The following BRINP3 variants were observed in gnomAD, a reference collection of about 807,000 sequenced individuals.
The protein encoded by BRINP3 is BMP/retinoic acid inducible neural specific 3.
BRINP3 carries 19 observed loss-of-function variants against 71.0 expected under a neutral mutation model. The observed-to-expected ratio is 0.27, with a 90% CI of 0.19 to 0.39. The LOEUF (loss-of-function observed/expected upper bound fraction) is 0.39. Ranked by LOEUF, BRINP3 falls within the 10% of genes least tolerant of loss-of-function variation. The pLI is 1.00. For synonymous variants in BRINP3, 380 were observed against 337.7 expected (o/e 1.13, Z -1.37); for missense variants, 959 against 940.8 (o/e 1.02, Z -0.25).
intron 7 of BRINP3, among the ~76,000 whole-genome samples, chr1:190,108,001 T>C (rs1652332245): frequency 6.6e-6 from 1 of 152,046 alleles, no homozygotes; most frequent in Non-Finnish European, 1.5e-5. Flanking sequence ...TTGACTAAAA[T>C]GTAATTTCAA....
At chr1:190,321,756 T>C (rs1666262076) in intron 2 of BRINP3, among the ~76,000 whole-genome samples, 1 of 152,108 alleles carries the variant, frequency 6.6e-6, no homozygotes, top group Non-Finnish European at 1.5e-5. Context: ...ATTATTATAC[T>C]GCATATTTTC....
At chr1:190,320,228 A>G (rs1013225947) in intron 2 of BRINP3, among the ~76,000 whole-genome samples, 2 of 152,134 alleles carry the variant, frequency 1.3e-5, no homozygotes, top group Non-Finnish European at 2.9e-5. Context: ...AATATTAAAC[A>G]CTGAAATAAA....
At chr1:190,126,469 C>T (rs759387865) in intron 7 of BRINP3, among the ~76,000 whole-genome samples, 5 of 151,836 alleles carry the variant, frequency 3.3e-5, no homozygotes, top group Non-Finnish European at 5.9e-5. Context: ...GTTAAAATAC[C>T]TGTATCATAG....
chr1:190,225,413 T>C lies in BRINP3; in HGVS notation c.961+669A>G, dbSNP rs1013014615. Among the ~76,000 whole-genome samples the C allele has an allele frequency of 3.9e-5, 6 of 152,006 alleles. No individual in the cohort carries two copies. The East Asian group carries it at 5.8e-4, about 15-fold the overall frequency. ...TCTAACCCACATGTTCCCACTCATA[T>C]GTGGAAGCTAAAAAAAGTAGAACTC... On this transcript the variant is annotated intron_variant, in intron 6 of 7. Transcript: ENST00000367462.
intron 2 of BRINP3, among the ~76,000 whole-genome samples, chr1:190,308,986 T>C (rs1327353510): frequency 6.6e-6 from 1 of 151,850 alleles, no homozygotes; most frequent in Non-Finnish European, 1.5e-5. Flanking sequence ...AAATAAATAT[T>C]TGTATACCCA....
intron 2 of BRINP3, among the ~76,000 whole-genome samples, chr1:190,400,195 C>G (rs963118578): frequency 6.6e-6 from 1 of 152,144 alleles, no homozygotes; most frequent in East Asian, 1.9e-4. Flanking sequence ...TTATAACAAA[C>G]CTCAAACTGG....
At chr1:190,128,882 G>T (rs1654301830) in intron 7 of BRINP3, among the ~76,000 whole-genome samples, 3 of 151,534 alleles carry the variant, frequency 2.0e-5, no homozygotes, top group African/African-American at 7.3e-5. Context: ...ATCAAAGCTT[G>T]ACTTACACTA....
chr1:190,394,931 A>G (rs1346908395), intron 2 of BRINP3, among the ~76,000 whole-genome samples: 1 of 151,668 alleles, frequency 6.6e-6, no homozygotes, highest in Non-Finnish European at 1.5e-5. Flanking sequence ...TTTCGGAGGT[A>G]TTTTTATAGT....
intron 6 of BRINP3, among the ~76,000 whole-genome samples, chr1:190,213,210 C>G (rs1337687179): frequency 6.6e-6 from 1 of 151,974 alleles, no homozygotes; most frequent in Non-Finnish European, 1.5e-5. Flanking sequence ...ACTGTTTATG[C>G]CAAAGTATGG....
intron 2 of BRINP3, among the ~76,000 whole-genome samples, chr1:190,442,576 A>G (rs1247252356): frequency 2.0e-5 from 3 of 152,216 alleles, no homozygotes; most frequent in Admixed American, 2.0e-4. Flanking sequence ...AAAAGTAATC[A>G]CACACACGTA....
intron 2 of BRINP3, among the ~76,000 whole-genome samples, chr1:190,398,888 C>G (rs1038889868): frequency 6.6e-6 from 1 of 151,960 alleles, no homozygotes; most frequent in Non-Finnish European, 1.5e-5. Context: ...ACCTTTAAAA[C>G]AATTTTAAGA....
intron 6 of BRINP3, among the ~76,000 whole-genome samples, chr1:190,175,193 T>C (rs1010300544): frequency 6.6e-6 from 1 of 152,190 alleles, no homozygotes; most frequent in African/African-American, 2.4e-5. Context: ...CTAACACCAC[T>C]GGCAATATTA....
intron 6 of BRINP3, among the ~76,000 whole-genome samples, chr1:190,184,610 C>T (rs1192843265): frequency 6.6e-6 from 1 of 152,072 alleles, no homozygotes; most frequent in African/African-American, 2.4e-5. Context: ...GGCCAATACC[C>T]TAAGCAAATT....
chr1:190,118,521 C>T (rs965956643), intron 7 of BRINP3, among the ~76,000 whole-genome samples: 2 of 152,122 alleles, frequency 1.3e-5, no homozygotes, highest in African/African-American at 2.4e-5. Context: ...CCTTTATTAA[C>T]TCACGTGGAA....
At chr1:190,307,146 T>C (rs1432688276) in intron 2 of BRINP3, among the ~76,000 whole-genome samples, 1 of 151,566 alleles carries the variant, frequency 6.6e-6, no homozygotes, top group African/African-American at 2.4e-5. Flanking sequence ...TTGCTAAAGT[T>C]AAAGAGTAAT....
intron 1 of BRINP3, among the ~76,000 whole-genome samples, chr1:190,466,719 C>G (rs144276480): frequency 6.6e-6 from 1 of 151,406 alleles, no homozygotes; most frequent in Non-Finnish European, 1.5e-5. Flanking sequence ...GTAGTTTAGG[C>G]AACATGAGGC....
At chr1:190,147,305 T>A (rs1026964619) in intron 7 of BRINP3, among the ~76,000 whole-genome samples, 3 of 152,118 alleles carry the variant, frequency 2.0e-5, no homozygotes, top group Admixed American at 6.6e-5. Context: ...GGATAAACAA[T>A]AAGTAATAGA....
At chr1:190,118,733 A>G (rs1653361303) in intron 7 of BRINP3, among the ~76,000 whole-genome samples, 1 of 152,202 alleles carries the variant, frequency 6.6e-6, no homozygotes, top group Non-Finnish European at 1.5e-5. Context: ...AGGTAATGGT[A>G]TTTCCTTCAG....
chr1:190,412,395 T>TTATATATA (rs10552194), intron 2 of BRINP3, among the ~76,000 whole-genome samples: 17 of 134,996 alleles, frequency 1.3e-4, no homozygotes, highest in East Asian at 2.2e-4. Context: ...TATATATATA[T>TTATATATA]TATATATATA....
Sources: allele counts gnomAD v4.1 joint callset (sites outside exome capture counted in the v4.1 genomes callset), GRCh38; gene constraint gnomAD v4.1.1; transcripts MANE v1.5; gene names NCBI Gene and HGNC (gene_info 2026-07-23, HGNC 2026-07-21).